RGMA: variants seen among roughly 807,000 people sequenced by gnomAD.
RGMA encodes the protein repulsive guidance molecule BMP co-receptor a.
In RGMA, 10 loss-of-function variants were observed where a neutral mutation model predicts 23.2. The ratio of observed to expected loss-of-function variants is 0.43; its 90% CI spans 0.27 to 0.73. The LOEUF (loss-of-function observed/expected upper bound fraction) is 0.73, where lower values mean the gene tolerates loss of function less well. Among genes scored for constraint, RGMA ranks in the 30% least tolerant of loss-of-function variants. The pLI is 0.20. For synonymous variants in RGMA, 308 were observed against 279.3 expected, an observed-to-expected ratio of 1.10 and a Z score of -1.03; for missense variants, 547 against 630.5, an observed-to-expected ratio of 0.87 and a Z score of 1.42.
chr15:93,045,225 G>T lies in RGMA; in HGVS notation c.1126C>A (p.Gln376Lys), dbSNP rs1258113926. 6.2e-7 allele frequency: 1 copy of T among 1,612,696 alleles called. No individual in the cohort carries two copies. Among genetic ancestry groups the T allele is most frequent in the South Asian group, 1.1e-5 (1 of 90,842 alleles). ...EKLPVEDLYYQACVFDLLTTG... is the reference protein window; with the variant it reads ...EKLPVEDLYYKACVFDLLTTG... ...GTGAGGAGGTCGAAGACGCAGGCCTGGTAGTACAGGTCCTCCACCGGCAGC... is the reference window on the plus strand; with the variant it reads ...GTGAGGAGGTCGAAGACGCAGGCCTTGTAGTACAGGTCCTCCACCGGCAGC... The change falls in exon 4 of 4, where the codon CAG (glutamine) becomes AAG (lysine). Residue 376 changes from glutamine (Q) to lysine (K), a missense_variant. By Grantham distance (53) the Gln-to-Lys change is moderately conservative. This residue lies in a region of RGMA where 205 missense variants were observed against 204.1 expected (regional missense o/e 1.00). Transcript: ENST00000329082. The surrounding 1 kb of genome is among the most constrained non-coding windows in gnomAD (Gnocchi z 6.9).
rs950816849 is a variant in RGMA at position 93,045,851 on chromosome 15, A to G, written c.646-146T>C. On this transcript the variant is annotated intron_variant, in intron 3 of 3. Transcript: ENST00000329082. The surrounding 1 kb of genome is among the most constrained non-coding windows in gnomAD (Gnocchi z 6.9). ...CTCCCTTCTCCAGGTTGGACAGATC[A>G]GTTCCACCTGCGCAGCTGTGCACTT... 9.7e-6 allele frequency: 6 copies of G among 617,090 alleles called. No homozygotes were observed. The highest frequency in any genetic ancestry group is 9.2e-5 in the African/African-American group (5 of 54,350). 38.2% of individuals were successfully genotyped at this position (617,090 alleles called of 1,614,324 possible).
At chr15:93,078,776 T>C (rs1895513563) in intron 1 of RGMA, among the ~76,000 whole-genome samples, 1 of 152,260 alleles carries the variant, frequency 6.6e-6, no homozygotes. Context: ...GGTAGAATAC[T>C]ATTTTTCGCT....
At chr15:93,058,069 A>C (rs1474897358) in intron 2 of RGMA, among the ~76,000 whole-genome samples, 3 of 152,196 alleles carry the variant, frequency 2.0e-5, no homozygotes, top group African/African-American at 7.2e-5. Context: ...CTGGGTCCTG[A>C]AGCACAATTT....
At position 93,071,933 on chromosome 15, in the gene RGMA, G is replaced by A. The variant is rs571751251; in HGVS notation, c.130+983C>T. On this transcript the variant is annotated intron_variant, in intron 2 of 3. Transcript: ENST00000329082. ...GGGAGATCCCGCCTTGCGCCGGGGGGGCCATTTGGCCCGTGACATTGTGTT... is the reference window on the plus strand; with the variant it reads ...GGGAGATCCCGCCTTGCGCCGGGGGAGCCATTTGGCCCGTGACATTGTGTT... 1.1e-4 allele frequency among the ~76,000 whole-genome samples: 16 copies of A among 152,324 alleles called. No individual in the cohort carries two copies. In the South Asian group the frequency reaches 3.3e-3, roughly 32 times the overall value.
At chr15:93,074,639 T>C (rs991702571) in intron 1 of RGMA, among the ~76,000 whole-genome samples, 5 of 152,106 alleles carry the variant, frequency 3.3e-5, no homozygotes, top group Non-Finnish European at 5.9e-5. Flanking sequence ...CAAACCAGGG[T>C]TCATTTCAGG....
intron 2 of RGMA, among the ~76,000 whole-genome samples, chr15:93,064,771 T>A (rs924264847): frequency 3.9e-5 from 6 of 152,248 alleles, no homozygotes; most frequent in African/African-American, 1.4e-4. Flanking sequence ...ATGACAGCTT[T>A]GCCAGCTTGT....
intron 1 of RGMA, among the ~76,000 whole-genome samples, chr15:93,083,596 TG>T (rs1895592777): frequency 6.6e-6 from 1 of 152,200 alleles, no homozygotes; most frequent in African/African-American, 2.4e-5. Flanking sequence ...CCCAAAGTGC[TG>T]GAATTATAAA....
At chr15:93,067,646 A>AGGTGGGGTGT in intron 2 of RGMA, among the ~76,000 whole-genome samples, 1 of 151,956 alleles carries the variant, frequency 6.6e-6, no homozygotes, top group African/African-American at 2.4e-5. Flanking sequence ...TAGAGTGGCC[A>AGGTGGGGTGT]GGTGGGGTGT....
At chr15:93,047,324 C>T (rs533759554) in intron 3 of RGMA, among the ~76,000 whole-genome samples, 122 of 152,308 alleles carry the variant, frequency 8.0e-4, no homozygotes, top group African/African-American at 2.4e-3. Context: ...CCACTCCTTT[C>T]CCAGGTGTCA....
chr15:93,078,773 T>C (rs1454369811), intron 1 of RGMA, among the ~76,000 whole-genome samples: 1 of 152,240 alleles, frequency 6.6e-6, no homozygotes, highest in East Asian at 1.9e-4. Context: ...CCAGGTAGAA[T>C]ACTATTTTTC....
chr15:93,077,869 G>A (rs1366494989), intron 1 of RGMA, among the ~76,000 whole-genome samples: 2 of 152,166 alleles, frequency 1.3e-5, no homozygotes, highest in African/African-American at 2.4e-5. Flanking sequence ...CACCACACCC[G>A]GCTAATTTTT....
chr15:93,058,700 A>AG (rs1253503690), intron 2 of RGMA, among the ~76,000 whole-genome samples: 1 of 151,814 alleles, frequency 6.6e-6, no homozygotes, highest in Non-Finnish European at 1.5e-5. Context: ...GGTACCCTGA[A>AG]GGGGGCAAGG....
In RGMA at chr15:93,087,966, T is replaced by A. The variant is rs148472453; in HGVS notation, c.14+953A>T. Among the ~76,000 whole-genome samples the A allele has an allele frequency of 2.6e-5, 4 of 152,194 alleles. No homozygotes were observed. In the East Asian group the frequency reaches 7.7e-4, roughly 29 times the overall value. On this transcript the variant is annotated intron_variant, in intron 1 of 3. Coordinates refer to ENST00000329082, the MANE Select transcript of RGMA (RefSeq NM_020211.3). ...CTCCACCTTGTGCGGGAGACTACTTTGAGAACACCCAACAACTTCGCAGCC... is the reference window on the plus strand; with the variant it reads ...CTCCACCTTGTGCGGGAGACTACTTAGAGAACACCCAACAACTTCGCAGCC...
At chr15:93,088,879 T>C in intron 1 of RGMA, 40 bp downstream of exon 1, 5 of 1,492,742 alleles carry the variant, frequency 3.3e-6, no homozygotes, top group East Asian at 2.9e-5. Flanking sequence ...GCCTCGGAGA[T>C]GTCAGAGCCG....
Position 93,045,721 on chromosome 15 carries a change from G to A in RGMA, c.646-16C>T, listed in dbSNP as rs1367782130. 3.2e-6 allele frequency: 5 copies of A among 1,583,926 alleles called. No homozygotes were observed. Among genetic ancestry groups the A allele is most frequent in the Non-Finnish European group, 4.3e-6 (5 of 1,165,406 alleles). Reference sequence around the variant, plus strand: ...TGATGGTGAGCTGCCGGGGAAAGGGGCAGAGGAGAGTGGGTGAGGCACAGT... The same window carrying A: ...TGATGGTGAGCTGCCGGGGAAAGGGACAGAGGAGAGTGGGTGAGGCACAGT... On this transcript the variant is annotated splice_polypyrimidine_tract_variant and intron_variant, in intron 3 of 3. Transcript: ENST00000329082. This position sits in a 1 kb window ranked among gnomAD's most constrained non-coding sequence, Gnocchi z 6.9.
At chr15:93,073,274 G>T (rs982239048) in intron 1 of RGMA, 1 of 899,044 alleles carries the variant, frequency 1.1e-6, no homozygotes, top group Non-Finnish European at 1.4e-6. Context: ...CCTCGCGCTC[G>T]GGTTTCAGCG....
Position 93,045,420 on chromosome 15 carries a change from C to G in RGMA, c.931G>C (p.Gly311Arg). 1 of 1,613,142 alleles carries G rather than the reference C, an allele frequency of 6.2e-7. No homozygotes were observed. Among genetic ancestry groups the G allele is most frequent in the Non-Finnish European group, 8.5e-7 (1 of 1,179,808 alleles). ...VNAVEDWDSQ[G>R]LYLCLRGCPL... Reference sequence around the variant, plus strand: ...CAGCCCCGCAGGCAGAGGTAGAGACCCTGGCTGTCCCAGTCCTCCACAGCA... The same window carrying G: ...CAGCCCCGCAGGCAGAGGTAGAGACGCTGGCTGTCCCAGTCCTCCACAGCA... Residue 311 changes from glycine to arginine, a missense_variant, in exon 4 of 4, where the codon GGT becomes CGT. By Grantham distance (125) the Gly-to-Arg change is moderately radical. Transcript: ENST00000329082. The surrounding 1 kb of genome is among the most constrained non-coding windows in gnomAD (Gnocchi z 6.9).
At chr15:93,062,253 T>C (rs1036277303) in intron 2 of RGMA, among the ~76,000 whole-genome samples, 2 of 152,242 alleles carry the variant, frequency 1.3e-5, no homozygotes, top group African/African-American at 4.8e-5. Context: ...ATTAATGCTG[T>C]TTCTGGAACA....
chr15:93,057,183 G>A (rs1025528994), intron 2 of RGMA, among the ~76,000 whole-genome samples: 7 of 152,272 alleles, frequency 4.6e-5, no homozygotes, highest in African/African-American at 1.7e-4. Flanking sequence ...AGGGGGCCTC[G>A]CTTCCCATGG....
Sources: gnomAD v4.1 joint callset for allele counts (sites outside exome capture counted in the v4.1 genomes callset) on GRCh38, gnomAD v4.1.1 for gene constraint, gnomAD v4.1.1 regional missense constraint, Gnocchi (gnomAD v3.1) non-coding constraint, MANE v1.5 for transcripts, NCBI Gene and HGNC (gene_info 2026-07-23, HGNC 2026-07-21) for gene names.